Variants in TRIQK observed in about 807,000 individuals in gnomAD.
TRIQK encodes the protein triple QxxK/R motif-containing protein.
Under a neutral mutation model 10.8 loss-of-function variants are expected in TRIQK, and 10 were observed. The ratio of observed to expected loss-of-function variants is 0.92; its 90% CI spans 0.57 to 1.57. The LOEUF (loss-of-function observed/expected upper bound fraction) is 1.57, where lower values mean the gene tolerates loss of function less well. Ranked by LOEUF, TRIQK falls within the 40% of genes most tolerant of loss-of-function variation. The pLI is 0.00. For synonymous variants in TRIQK, 33 were observed against 33.7 expected (o/e 0.98, Z 0.07); for missense variants, 107 against 97.7 (o/e 1.09, Z -0.40).
At chr8:92,896,691 ATGT>A (rs1808616759) in intron 3 of TRIQK, among the ~76,000 whole-genome samples, 1 of 152,018 alleles carries the variant, frequency 6.6e-6, no homozygotes, top group African/African-American at 2.4e-5. Flanking sequence ...TTAAGATTTA[ATGT>A]TGTTTTCCCT....
rs1812076549 is a variant in TRIQK, at chr8:92,954,556, T to TTTTTCTTACTGAAA, written c.-180-6_-173dup. 1.3e-5 allele frequency: 2 copies of TTTTTCTTACTGAAA among 151,930 alleles called. No individual in the cohort carries two copies. Among genetic ancestry groups the TTTTTCTTACTGAAA allele is most frequent in the African/African-American group, 4.8e-5 (2 of 41,400 alleles). 9.4% of individuals were successfully genotyped at this position (151,930 alleles called of 1,614,324 possible). ...ATACCAAAAATAATATTCTTGGTGA[T>TTTTTCTTACTGAAA]TTTTCTTACTGAAATTCAAAACAAA... On this transcript the variant is annotated 5_prime_UTR_variant, in exon 2 of 5. Transcript: ENST00000521988.
intron 1 of TRIQK, among the ~76,000 whole-genome samples, chr8:92,977,122 C>A (rs1272022979): frequency 6.6e-6 from 1 of 151,824 alleles, no homozygotes; most frequent in Non-Finnish European, 1.5e-5. Flanking sequence ...GTATTATTTT[C>A]TCTTTACTTA....
intron 2 of TRIQK, among the ~76,000 whole-genome samples, chr8:92,939,443 A>G (rs1175317060): frequency 6.6e-6 from 1 of 152,158 alleles, no homozygotes; most frequent in Non-Finnish European, 1.5e-5. Flanking sequence ...CAATGACTCC[A>G]TAAGGCAGGA....
At chr8:92,973,185 G>A (rs144348240) in intron 1 of TRIQK, 1 of 152,180 alleles carries the variant, frequency 6.6e-6, no homozygotes, top group East Asian at 1.9e-4. Flanking sequence ...ACAATTTTGA[G>A]TTGGTATTTT....
intron 2 of TRIQK, among the ~76,000 whole-genome samples, chr8:92,947,753 A>G (rs1366095714): frequency 1.3e-5 from 2 of 152,124 alleles, no homozygotes; most frequent in Non-Finnish European, 2.9e-5. Context: ...TCTTTAAAAT[A>G]TTCACAAGAA....
intron 1 of TRIQK, among the ~76,000 whole-genome samples, chr8:92,987,182 C>T (rs1300856870): frequency 6.6e-6 from 1 of 152,134 alleles, no homozygotes. Flanking sequence ...ATAATGCCAT[C>T]ACATAGGCCA....
intron 1 of TRIQK, among the ~76,000 whole-genome samples, chr8:92,976,257 C>G (rs1386124782): frequency 6.6e-6 from 1 of 151,906 alleles, no homozygotes; most frequent in Non-Finnish European, 1.5e-5. Context: ...GTGTTTAACT[C>G]TCCTACTATA....
At chr8:92,999,912 C>G (rs1563454212) in intron 1 of TRIQK, among the ~76,000 whole-genome samples, 2 of 152,060 alleles carry the variant, frequency 1.3e-5, no homozygotes, top group African/African-American at 4.8e-5. Flanking sequence ...AAAAAACCTG[C>G]TTACTTTCAT....
intron 3 of TRIQK, among the ~76,000 whole-genome samples, chr8:92,911,879 A>C (rs143856130): frequency 0.012 from 1,704 of 145,732 alleles, 30 homozygotes; most frequent in Middle Eastern, 0.082. Flanking sequence ...GAGTGTACAT[A>C]TATATGTATA....
At chr8:92,898,873 A>ATATATATG (rs60191958) in intron 3 of TRIQK, among the ~76,000 whole-genome samples, 1 of 120,728 alleles carries the variant, frequency 8.3e-6, no homozygotes, top group Non-Finnish European at 1.7e-5. Flanking sequence ...ATATATATAT[A>ATATATATG]GATGGGGGTA....
At chr8:92,942,020 T>C (rs534615758) in intron 2 of TRIQK, among the ~76,000 whole-genome samples, 3 of 152,302 alleles carry the variant, frequency 2.0e-5, no homozygotes, top group Non-Finnish European at 2.9e-5. Flanking sequence ...ACACTAATTT[T>C]ACTAAAATTA....
intron 3 of TRIQK, among the ~76,000 whole-genome samples, chr8:92,899,260 C>G (rs1808793547): frequency 6.6e-6 from 1 of 152,022 alleles, no homozygotes; most frequent in Non-Finnish European, 1.5e-5. Flanking sequence ...CCTGGGATTA[C>G]AGGCATGAGC....
intron 1 of TRIQK, among the ~76,000 whole-genome samples, chr8:92,994,149 C>T (rs531367941): frequency 9.1e-4 from 138 of 152,234 alleles, no homozygotes; most frequent in African/African-American, 3.1e-3. Context: ...ATTTAGTGCA[C>T]TATCTTCTTT....
intron 1 of TRIQK, 143 bp from the exon 2 acceptor site, chr8:92,954,707 C>T (rs927062493): frequency 1.3e-5 from 2 of 151,926 alleles, no homozygotes; most frequent in Admixed American, 6.6e-5. Context: ...CATCTGAATA[C>T]GTTTCTATGC....
At chr8:92,989,259 A>G (rs1813068706) in intron 1 of TRIQK, among the ~76,000 whole-genome samples, 2 of 152,236 alleles carry the variant, frequency 1.3e-5, no homozygotes, top group African/African-American at 4.8e-5. Flanking sequence ...AGAATAAAAT[A>G]TGTCAGAATA....
chr8:92,926,180 T>C (rs75105330), intron 2 of TRIQK: 1 of 149,736 alleles, frequency 6.7e-6, no homozygotes, highest in Non-Finnish European at 1.5e-5. Flanking sequence ...AAAAAAAAAA[T>C]ACTGAACATA....
At chr8:92,949,786 G>GAAAGAAAGAA (rs1811768972) in intron 2 of TRIQK, among the ~76,000 whole-genome samples, 1 of 10,532 alleles carries the variant, frequency 9.5e-5, no homozygotes, top group Non-Finnish European at 1.9e-4. Context: ...GAAAGAAAAA[G>GAAAGAAAGAA]AAAGAAAGAA....
At chr8:92,918,642 C>T (rs1302801730) in intron 2 of TRIQK, among the ~76,000 whole-genome samples, 2 of 151,958 alleles carry the variant, frequency 1.3e-5, no homozygotes, top group East Asian at 3.8e-4. Flanking sequence ...GAATATTTTG[C>T]AAATACTTTC....
At chr8:92,912,866 A>G (rs1809640461) in intron 3 of TRIQK, among the ~76,000 whole-genome samples, 1 of 152,056 alleles carries the variant, frequency 6.6e-6, no homozygotes, top group African/African-American at 2.4e-5. Flanking sequence ...CCAGTACTAG[A>G]TGACTTCAAT....
Sources: gnomAD v4.1 joint callset for allele counts (sites outside exome capture counted in the v4.1 genomes callset) on GRCh38, gnomAD v4.1.1 for gene constraint, MANE v1.5 for transcripts, NCBI Gene and HGNC (gene_info 2026-07-23, HGNC 2026-07-21) for gene names.